The following SETD2 variants were observed in gnomAD, a reference collection of about 807,000 sequenced individuals.
SETD2 encodes the protein histone-lysine N-methyltransferase SETD2.
SETD2 carries 31 observed loss-of-function variants against 242.1 expected under a neutral mutation model. The ratio of observed to expected loss-of-function variants is 0.13; its 90% CI spans 0.10 to 0.17. The LOEUF (loss-of-function observed/expected upper bound fraction) is 0.17. Among genes scored for constraint, SETD2 ranks in the 10% least tolerant of loss-of-function variants. The pLI, the probability that SETD2 is intolerant of heterozygous loss-of-function variation, is 1.00. For synonymous variants in SETD2, 1,006 were observed against 1,066.5 expected, an observed-to-expected ratio of 0.94 and a Z score of 1.11; for missense variants, 2,481 against 3,046.3, an observed-to-expected ratio of 0.81 and a Z score of 4.37.
At position 47,021,127 on chromosome 3, in the gene SETD2, AT is replaced by A. The variant is rs901828261; in HGVS notation, c.7351-1288del. Among the ~76,000 whole-genome samples, 18 of 152,124 alleles carry A rather than the reference AT, an allele frequency of 1.2e-4. No homozygotes were observed. In the South Asian group the frequency reaches 1.5e-3, roughly 12 times the overall value. On this transcript the variant is annotated intron_variant, in intron 18 of 20. Transcript: ENST00000409792. ...AAGTGTTTTGCTTTGGGATTTTGTT[AT>A]TTTTTTTCCCCCAGTTGTAGATGGT...
intron 12 of SETD2, among the ~76,000 whole-genome samples, chr3:47,076,429 C>A (rs757791518): frequency 3.9e-5 from 6 of 152,052 alleles, no homozygotes; most frequent in Non-Finnish European, 2.9e-5. Flanking sequence ...TTTATATTTC[C>A]GAAAGATTGC....
intron 12 of SETD2, among the ~76,000 whole-genome samples, chr3:47,076,839 A>C (rs2041100345): frequency 6.6e-6 from 1 of 152,238 alleles, no homozygotes; most frequent in Non-Finnish European, 1.5e-5. Context: ...CCTGCTAGGC[A>C]AGAAGTTTAG....
chr3:47,144,571 A>C (rs980866132), intron 1 of SETD2, among the ~76,000 whole-genome samples: 28 of 152,186 alleles, frequency 1.8e-4, no homozygotes, highest in African/African-American at 6.8e-4. Context: ...TGAACCAGGG[A>C]GTCAGAGGTT....
intron 1 of SETD2, 126 bp downstream of exon 1, chr3:47,163,728 C>G: frequency 1.0e-6 from 1 of 975,636 alleles, no homozygotes; most frequent in Non-Finnish European, 1.3e-6. Flanking sequence ...CGACACCGAC[C>G]GCGCGAGGCC....
rs1697597518 is a variant in SETD2 at position 47,164,091 on chromosome 3, C to T, written c.-167G>A. 3.5e-6 allele frequency: 4 copies of T among 1,142,916 alleles called. No individual in the cohort carries two copies. The East Asian group carries it at 1.1e-4, about 30-fold the overall frequency. 70.8% of individuals were successfully genotyped at this position (1,142,916 alleles called of 1,614,324 possible). Reference sequence around the variant, plus strand: ...CTCGCTCGTCGCTCCCTCCCTCCCTCGGACGCCCGCCAGCCGCTCTCTCCC... The same window carrying T: ...CTCGCTCGTCGCTCCCTCCCTCCCTTGGACGCCCGCCAGCCGCTCTCTCCC... On this transcript the variant is annotated 5_prime_UTR_variant, in exon 1 of 21. Transcript: ENST00000409792. The surrounding 1 kb of genome is among the most constrained non-coding windows in gnomAD (Gnocchi z 5.4).
intron 3 of SETD2, among the ~76,000 whole-genome samples, chr3:47,118,703 C>T (rs567860750): frequency 8.6e-5 from 13 of 151,578 alleles, no homozygotes; most frequent in African/African-American, 3.1e-4. Context: ...ATAAATCCTT[C>T]CCACTGCAAA....
chr3:47,018,605 G>A (rs1397933227), intron 19 of SETD2, among the ~76,000 whole-genome samples: 3 of 152,182 alleles, frequency 2.0e-5, no homozygotes, highest in Non-Finnish European at 4.4e-5. Context: ...TTTTATCCCT[G>A]CATAAGCCTT....
intron 6 of SETD2, chr3:47,105,620 C>G (rs1233238522): frequency 4.7e-6 from 2 of 425,834 alleles, no homozygotes; most frequent in Non-Finnish European, 9.3e-6. Flanking sequence ...ATTTTTGTCG[C>G]TTAATATATT....
At position 47,120,861 on chromosome 3, in the gene SETD2, C is replaced by T. The variant is rs2043051468; in HGVS notation, c.3775G>A (p.Gly1259Ser). 1.2e-6 allele frequency: 2 copies of T among 1,614,230 alleles called. No individual in the cohort carries two copies. The highest frequency in any genetic ancestry group is 2.2e-5 in the South Asian group (2 of 91,086). ...LHSSEELRNL[G>S]WDFSQEKPST... The stretch of plus-strand genomic sequence containing the variant: ...GGCTTTTCTTGAGAGAAGTCCCAAC[C>T]TAAGTTTCTGAGCTCTTCTGATGAG... Residue 1259 changes from glycine (G) to serine (S), a missense_variant, in exon 3 of 21, where the codon GGT becomes AGT. Physicochemically the swap from Gly to Ser is moderately conservative, Grantham distance 56. Around this residue, in one of 17 missense-constraint regions of SETD2, gnomAD observed 1,300 missense variants for 1,259.2 expected, o/e 1.03. Transcript: ENST00000409792.
rs185275071 is a variant in SETD2, at chr3:47,128,553, T to C, written c.72-1890A>G. ...CATCATAATTCATTCCATTCGCCAG[T>C]GTCTGTGGTAGCCATACAAAACCAA... is the stretch of plus-strand genomic sequence containing the variant. On this transcript the variant is annotated intron_variant, in intron 1 of 20. Coordinates refer to ENST00000409792, the MANE Select transcript of SETD2 (RefSeq NM_014159.7). 3.1e-3 allele frequency among the ~76,000 whole-genome samples: 475 copies of C among 152,338 alleles called. 1 individual carries two copies. The highest frequency in any genetic ancestry group is 4.5e-3 in the Non-Finnish European group (309 of 68,044).
intron 10 of SETD2, among the ~76,000 whole-genome samples, chr3:47,087,128 T>C (rs1050081671): frequency 6.6e-6 from 1 of 151,158 alleles, no homozygotes; most frequent in Non-Finnish European, 1.5e-5. Context: ...ATTTTGTGCT[T>C]GGAGATCACG....
At chr3:47,042,467 A>C in intron 17 of SETD2, 94 bp downstream of exon 17, 1 of 1,230,426 alleles carries the variant, frequency 8.1e-7, no homozygotes, top group Non-Finnish European at 1.2e-6. Context: ...AAAGCTAATG[A>C]CAAGAAGTTT....
intron 14 of SETD2, among the ~76,000 whole-genome samples, chr3:47,059,553 G>A (rs1315005991): frequency 6.6e-6 from 1 of 151,572 alleles, no homozygotes; most frequent in African/African-American, 2.4e-5. Context: ...CCGAGTAGCT[G>A]GGACTACAAT....
intron 5 of SETD2, among the ~76,000 whole-genome samples, chr3:47,112,212 C>T (rs2042682230): frequency 6.6e-6 from 1 of 150,892 alleles, no homozygotes; most frequent in Non-Finnish European, 1.5e-5. Flanking sequence ...CTCGTGGGTT[C>T]AAGCAAATTC....
intron 17 of SETD2, 59 bp from the exon 18 acceptor site, chr3:47,037,836 A>G (rs1421665612): frequency 2.6e-6 from 3 of 1,139,484 alleles, no homozygotes; most frequent in Non-Finnish European, 4.0e-6. Flanking sequence ...ATCCTGACAT[A>G]AACATCACTG....
Position 47,121,796 on chromosome 3 carries a change from T to A in SETD2, c.2840A>T (p.Glu947Val), listed in dbSNP as rs750635158. ...PDSGKGFASR[E>V]NRRNNGLSGK... is the part of the protein sequence containing the mutation. The stretch of plus-strand genomic sequence containing the variant: ...AGATAACCCATTATTACGCCTGTTC[T>A]CCCTGGAAGCAAATCCCTTTCCTGA... Residue 947 changes from glutamate to valine, a missense_variant, in exon 3 of 21, where the codon GAG (glutamate) becomes GTG (valine). Coordinates refer to ENST00000409792, the MANE Select transcript of SETD2 (RefSeq NM_014159.7). 1.9e-6 allele frequency: 3 copies of A among 1,614,150 alleles called. 1 individual carries two copies. The South Asian group carries it at 3.3e-5, about 18-fold the overall frequency.
chr3:47,040,360 T>C (rs1248882162), intron 17 of SETD2, among the ~76,000 whole-genome samples: 1 of 152,126 alleles, frequency 6.6e-6, no homozygotes, highest in Non-Finnish European at 1.5e-5. Flanking sequence ...CTTCTTTATG[T>C]CACAAGATAT....
chr3:47,153,035 A>C (rs1474593167), intron 1 of SETD2, among the ~76,000 whole-genome samples: 2 of 152,202 alleles, frequency 1.3e-5, no homozygotes, highest in African/African-American at 4.8e-5. Context: ...CCAAAAACAC[A>C]AAAAACAGGC....
intron 15 of SETD2, among the ~76,000 whole-genome samples, chr3:47,056,369 C>T (rs1438056778): frequency 2.0e-5 from 3 of 151,910 alleles, no homozygotes; most frequent in Non-Finnish European, 4.4e-5. Flanking sequence ...TCAGGTGATC[C>T]GTCCACCTCG....
Sources: gnomAD v4.1 joint callset for allele counts (sites outside exome capture counted in the v4.1 genomes callset) on GRCh38, gnomAD v4.1.1 for gene constraint, gnomAD v4.1.1 regional missense constraint, Gnocchi (gnomAD v3.1) non-coding constraint, MANE v1.5 for transcripts, NCBI Gene and HGNC (gene_info 2026-07-23, HGNC 2026-07-21) for gene names.